ANGPT1: variants seen among roughly 807,000 people sequenced by gnomAD.
The protein encoded by ANGPT1 is angiopoietin 1.
Under a neutral mutation model 62.2 loss-of-function variants are expected in ANGPT1, and 17 were observed. That is an observed-to-expected ratio of 0.27 (90% CI 0.19 to 0.41). ANGPT1 has a LOEUF of 0.41. Ranked by LOEUF, ANGPT1 falls within the 10% of genes least tolerant of loss-of-function variation. ANGPT1 has a pLI of 1.00. For missense variants in ANGPT1, 478 were observed against 594.9 expected, an observed-to-expected ratio of 0.80 and a Z score of 2.04; for synonymous variants, 199 against 198.9, an observed-to-expected ratio of 1.00 and a Z score of 0.00.
At chr8:107,357,418 T>G (rs2130192166) in intron 1 of ANGPT1, among the ~76,000 whole-genome samples, 1 of 152,322 alleles carries the variant, frequency 6.6e-6, no homozygotes, top group African/African-American at 2.4e-5. Flanking sequence ...TTTTAGTTTC[T>G]TGCTTATCTG....
intron 1 of ANGPT1, among the ~76,000 whole-genome samples, chr8:107,444,085 T>C (rs1465005667): frequency 6.6e-6 from 1 of 152,230 alleles, no homozygotes; most frequent in African/African-American, 2.4e-5. Flanking sequence ...TATTCTGTTC[T>C]GGGAGCATCT....
intron 1 of ANGPT1, among the ~76,000 whole-genome samples, chr8:107,488,639 T>C (rs1812878049): frequency 6.6e-6 from 1 of 152,210 alleles, no homozygotes; most frequent in South Asian, 2.1e-4. Flanking sequence ...CTACAAGCAT[T>C]AGAACAACTA....
At chr8:107,411,539 A>C (rs1810581271) in intron 1 of ANGPT1, among the ~76,000 whole-genome samples, 1 of 152,226 alleles carries the variant, frequency 6.6e-6, no homozygotes, top group African/African-American at 2.4e-5. Flanking sequence ...ATTTGAATGC[A>C]GATATGCAGA....
intron 3 of ANGPT1, among the ~76,000 whole-genome samples, chr8:107,327,331 G>A (rs1419508174): frequency 6.6e-6 from 1 of 152,036 alleles, no homozygotes; most frequent in Non-Finnish European, 1.5e-5. Flanking sequence ...CTAGCATGGG[G>A]ATCTTTATAT....
chr8:107,419,469 T>C (rs1008746215), intron 1 of ANGPT1, among the ~76,000 whole-genome samples: 2 of 152,146 alleles, frequency 1.3e-5, no homozygotes, highest in African/African-American at 2.4e-5. Flanking sequence ...TACCCTTTTG[T>C]CCTCCAATCA....
At chr8:107,287,976 T>C (rs1814182998) in intron 6 of ANGPT1, among the ~76,000 whole-genome samples, 1 of 152,134 alleles carries the variant, frequency 6.6e-6, no homozygotes. Context: ...ACACAGTAAT[T>C]TTCTGGTTAG....
intron 1 of ANGPT1, among the ~76,000 whole-genome samples, chr8:107,425,109 G>T (rs945635584): frequency 6.6e-6 from 1 of 152,162 alleles, no homozygotes; most frequent in African/African-American, 2.4e-5. Flanking sequence ...TACTGACCTT[G>T]TGATCCACCC....
chr8:107,410,243 C>T (rs548737550), intron 1 of ANGPT1, among the ~76,000 whole-genome samples: 1 of 152,190 alleles, frequency 6.6e-6, no homozygotes, highest in Admixed American at 6.5e-5. Flanking sequence ...GGGTCTAATA[C>T]TCACCCTGCC....
chr8:107,414,902 C>T (rs1467598546), intron 1 of ANGPT1, among the ~76,000 whole-genome samples: 1 of 152,124 alleles, frequency 6.6e-6, no homozygotes, highest in Non-Finnish European at 1.5e-5. Context: ...CACAGAGCTG[C>T]CACTCTTTGA....
intron 2 of ANGPT1, among the ~76,000 whole-genome samples, chr8:107,345,419 T>C (rs73702005): frequency 6.6e-6 from 1 of 151,300 alleles, no homozygotes; most frequent in Non-Finnish European, 1.5e-5. Flanking sequence ...CAATGGGACA[T>C]TTTTTTTTCC....
intron 1 of ANGPT1, among the ~76,000 whole-genome samples, chr8:107,368,961 G>A (rs1440201803): frequency 1.5e-5 from 2 of 134,954 alleles, no homozygotes; most frequent in Non-Finnish European, 3.3e-5. Flanking sequence ...TCAACTTAAA[G>A]TTACCAGCTG....
intron 1 of ANGPT1, among the ~76,000 whole-genome samples, chr8:107,387,974 G>C (rs1244870821): frequency 6.6e-6 from 1 of 151,888 alleles, no homozygotes; most frequent in Non-Finnish European, 1.5e-5. Context: ...CTGGGTTTTG[G>C]TCGACCTATT....
intron 1 of ANGPT1, among the ~76,000 whole-genome samples, chr8:107,430,691 T>A (rs1458445586): frequency 6.6e-6 from 1 of 152,172 alleles, no homozygotes; most frequent in African/African-American, 2.4e-5. Context: ...GTTATACTGA[T>A]GCAGGGAAGT....
chr8:107,366,604 T>C (rs1672163), intron 1 of ANGPT1, among the ~76,000 whole-genome samples: 78,932 of 151,418 alleles, frequency 0.52, 20,606 homozygotes, highest in Admixed American at 0.6. Context: ...TTAACAGTTG[T>C]GAAACTTAAC....
intron 3 of ANGPT1, among the ~76,000 whole-genome samples, chr8:107,323,151 C>T (rs1815195695): frequency 6.6e-6 from 1 of 152,124 alleles, no homozygotes; most frequent in South Asian, 2.1e-4. Flanking sequence ...GGATATTCCC[C>T]TTGTATATTG....
intron 1 of ANGPT1, among the ~76,000 whole-genome samples, chr8:107,439,120 T>A (rs1340488669): frequency 6.6e-6 from 1 of 152,064 alleles, no homozygotes; most frequent in Non-Finnish European, 1.5e-5. Context: ...TACATATTAG[T>A]CACTCAGACT....
At chr8:107,489,799 G>A (rs1305185384) in intron 1 of ANGPT1, among the ~76,000 whole-genome samples, 1 of 151,914 alleles carries the variant, frequency 6.6e-6, no homozygotes, top group African/African-American at 2.4e-5. Flanking sequence ...CAGACCATGG[G>A]GCCAAAACCA....
intron 1 of ANGPT1, among the ~76,000 whole-genome samples, chr8:107,399,448 G>A (rs2130326117): frequency 6.6e-6 from 1 of 152,212 alleles, no homozygotes. Context: ...TTCTGCTCTG[G>A]ACATTAATTA....
intron 1 of ANGPT1, among the ~76,000 whole-genome samples, chr8:107,481,267 G>T (rs1386851266): frequency 7.2e-5 from 11 of 152,130 alleles, no homozygotes; most frequent in Non-Finnish European, 1.5e-5. Context: ...AGGTGAGGTG[G>T]CTCATGCCTG....
Sources: gnomAD v4.1 joint callset for allele counts (sites outside exome capture counted in the v4.1 genomes callset) on GRCh38, gnomAD v4.1.1 for gene constraint, MANE v1.5 for transcripts, NCBI Gene and HGNC (gene_info 2026-07-23, HGNC 2026-07-21) for gene names.